IMMP1L: variants seen among roughly 807,000 people sequenced by gnomAD.
IMMP1L encodes mitochondrial inner membrane protease subunit 1.
A neutral mutation model predicts 21.8 loss-of-function variants in IMMP1L; 24 were observed. That is an observed-to-expected ratio of 1.10 (90% CI 0.80 to 1.55). IMMP1L has a LOEUF of 1.55. IMMP1L is among the 40% of genes most tolerant of loss of function. The pLI is 0.00. For synonymous variants in IMMP1L, 46 were observed against 62.8 expected (o/e 0.73, Z 1.26); for missense variants, 195 against 200.7 (o/e 0.97, Z 0.17).
intron 1 of IMMP1L, among the ~76,000 whole-genome samples, chr11:31,486,393 C>T (rs1037382095): frequency 1.6e-4 from 24 of 151,814 alleles, no homozygotes. Flanking sequence ...AGTGTGCTAA[C>T]AAAGTGAAAC....
chr11:31,459,123 A>G (rs551718611), intron 3 of IMMP1L, among the ~76,000 whole-genome samples: 1 of 152,334 alleles, frequency 6.6e-6, no homozygotes, highest in Admixed American at 6.5e-5. Flanking sequence ...TAATTCCTGT[A>G]TCTACAATTA....
chr11:31,449,323 A>G (rs1953659354), intron 4 of IMMP1L, among the ~76,000 whole-genome samples: 1 of 152,154 alleles, frequency 6.6e-6, no homozygotes, highest in African/African-American at 2.4e-5. Context: ...TGACATTTAA[A>G]CAAACAGAAA....
At chr11:31,462,441 TAAC>T (rs1954183618) in intron 2 of IMMP1L, among the ~76,000 whole-genome samples, 2 of 150,490 alleles carry the variant, frequency 1.3e-5, no homozygotes, top group Non-Finnish European at 3.0e-5. Flanking sequence ...AAAACAGTAA[TAAC>T]AACAATAAAA....
intron 1 of IMMP1L, among the ~76,000 whole-genome samples, chr11:31,503,959 TGATGC>T (rs1477198315): frequency 3.3e-5 from 5 of 152,216 alleles, no homozygotes; most frequent in Non-Finnish European, 5.9e-5. Context: ...AAAAAAGTGA[TGATGC>T]GATATAGCAA....
intron 1 of IMMP1L, among the ~76,000 whole-genome samples, chr11:31,507,250 A>G (rs767911209): frequency 7.2e-5 from 11 of 152,014 alleles, no homozygotes; most frequent in Non-Finnish European, 1.2e-4. Flanking sequence ...ACTGCACTCC[A>G]GCCCGGGGAA....
At chr11:31,445,234 G>T (rs902907284) in intron 4 of IMMP1L, among the ~76,000 whole-genome samples, 3 of 152,110 alleles carry the variant, frequency 2.0e-5, no homozygotes, top group Admixed American at 1.3e-4. Context: ...CAGAAAAACA[G>T]TTCTGAACAG....
intron 4 of IMMP1L, among the ~76,000 whole-genome samples, chr11:31,451,222 T>C (rs372419944): frequency 2.0e-5 from 3 of 152,130 alleles, no homozygotes; most frequent in East Asian, 3.9e-4. Context: ...CACTGGGGTC[T>C]TTAAGCAGAA....
intron 1 of IMMP1L, among the ~76,000 whole-genome samples, chr11:31,492,341 C>T (rs754982268): frequency 6.6e-5 from 10 of 152,256 alleles, no homozygotes; most frequent in Non-Finnish European, 1.3e-4. Flanking sequence ...TCTCAGCCTT[C>T]ATAGAATTGA....
intron 5 of IMMP1L, among the ~76,000 whole-genome samples, chr11:31,432,883 CT>C (rs1273394558): frequency 6.6e-6 from 1 of 152,158 alleles, no homozygotes; most frequent in African/African-American, 2.4e-5. Flanking sequence ...TAACTGTGTA[CT>C]TTCAACCAAA....
chr11:31,492,902 TATA>T lies in IMMP1L; in HGVS notation c.-30+16614_-30+16616del. On this transcript the variant is annotated intron_variant, in intron 1 of 5. Coordinates refer to ENST00000532287, the MANE Select transcript of IMMP1L (RefSeq NM_001304274.2). ...CCTGATCACAGATAACCATCACAGA[TATA>T]ATAATGATAAGAAGGTTTGAAATAT... Among the ~76,000 whole-genome samples, 3 of 152,242 alleles carry T rather than the reference TATA, an allele frequency of 2.0e-5. No homozygotes were observed. The East Asian group carries it at 5.8e-4, about 29-fold the overall frequency.
chr11:31,443,383 A>G (rs1041804023), intron 4 of IMMP1L, among the ~76,000 whole-genome samples: 2 of 152,192 alleles, frequency 1.3e-5, no homozygotes, highest in African/African-American at 4.8e-5. Context: ...AGATACAATA[A>G]ATAGAAGGGA....
At chr11:31,492,222 T>G (rs1955279907) in intron 1 of IMMP1L, among the ~76,000 whole-genome samples, 1 of 152,228 alleles carries the variant, frequency 6.6e-6, no homozygotes, top group Admixed American at 6.5e-5. Context: ...TAGATAGAGG[T>G]AACTTGCTGC....
At position 31,460,634 on chromosome 11, in the gene IMMP1L, A is replaced by T; in HGVS notation, c.186T>A (p.Gly62=). Reference sequence around the variant, plus strand: ...CCATGACAGAAATTTACCTTTGGATACCATAAAAATGTCGACTAAGATTTT... The same window carrying T: ...CCATGACAGAAATTTACCTTTGGATTCCATAAAAATGTCGACTAAGATTTT... ...FAENLSRHFY[G]IQRGDIVIAK... is the part of the protein sequence containing the mutation. Residue 62 remains glycine (G), a synonymous_variant, in exon 3 of 6, where the codon GGT becomes GGA. Transcript: ENST00000532287. 6.3e-7 allele frequency: 1 copy of T among 1,593,752 alleles called. No individual in the cohort carries two copies. Among genetic ancestry groups the T allele is most frequent in the South Asian group, 1.1e-5 (1 of 90,422 alleles).
intron 1 of IMMP1L, among the ~76,000 whole-genome samples, chr11:31,491,924 C>A (rs1955268208): frequency 6.6e-6 from 1 of 152,160 alleles, no homozygotes; most frequent in Admixed American, 6.5e-5. Flanking sequence ...GTGCTGTCAC[C>A]CAGGCTTTGT....
At chr11:31,499,719 A>G (rs1384537305) in intron 1 of IMMP1L, among the ~76,000 whole-genome samples, 3 of 152,162 alleles carry the variant, frequency 2.0e-5, no homozygotes, top group African/African-American at 4.8e-5. Flanking sequence ...AAACACAGCC[A>G]TACTCATTTG....
At chr11:31,450,936 C>T (rs765380117) in intron 4 of IMMP1L, among the ~76,000 whole-genome samples, 3 of 151,948 alleles carry the variant, frequency 2.0e-5, no homozygotes, top group Non-Finnish European at 4.4e-5. Context: ...TCCCTGTCAC[C>T]AAGAATCTTA....
intron 1 of IMMP1L, among the ~76,000 whole-genome samples, chr11:31,482,981 A>G (rs1353750029): frequency 6.6e-6 from 1 of 152,098 alleles, no homozygotes; most frequent in African/African-American, 2.4e-5. Flanking sequence ...TCACAACTAC[A>G]TGCAGCAATA....
At chr11:31,506,827 G>C (rs1444008010) in intron 1 of IMMP1L, among the ~76,000 whole-genome samples, 1 of 151,674 alleles carries the variant, frequency 6.6e-6, no homozygotes, top group Non-Finnish European at 1.5e-5. Flanking sequence ...GGGCATGGTG[G>C]TGCATGCCTG....
At chr11:31,471,852 T>C (rs1167808932) in intron 1 of IMMP1L, among the ~76,000 whole-genome samples, 1 of 152,198 alleles carries the variant, frequency 6.6e-6, no homozygotes, top group Non-Finnish European at 1.5e-5. Context: ...ATCTTACAGT[T>C]GATAGGTCAG....
Sources: allele counts gnomAD v4.1 joint callset (sites outside exome capture counted in the v4.1 genomes callset), GRCh38; gene constraint gnomAD v4.1.1; transcripts MANE v1.5; gene names NCBI Gene and HGNC (gene_info 2026-07-23, HGNC 2026-07-21).